The following MIDN variants were observed in gnomAD, a reference collection of about 807,000 sequenced individuals.
MIDN encodes midnolin.
Under a neutral mutation model 46.1 loss-of-function variants are expected in MIDN, and 26 were observed. The ratio of observed to expected loss-of-function variants is 0.56; its 90% CI spans 0.41 to 0.78. MIDN has a LOEUF of 0.78. MIDN is among the 30% of genes least tolerant of loss of function. The pLI, the probability that MIDN is intolerant of heterozygous loss-of-function variation, is 0.00. For missense variants in MIDN, 850 were observed against 771.8 expected, an observed-to-expected ratio of 1.10 and a Z score of -1.20; for synonymous variants, 432 against 343.3, an observed-to-expected ratio of 1.26 and a Z score of -2.86.
In MIDN at chr19:1,258,466, C is replaced by A. The variant is rs1440152107; in HGVS notation, c.*1194C>A. The A allele has an allele frequency of 6.6e-6, 1 of 152,528 alleles. No individual in the cohort carries two copies. The highest frequency in any genetic ancestry group is 1.5e-5 in the Non-Finnish European group (1 of 68,050). The allele number at this position is 152,528 out of a possible 1,614,324, so 9.4% of individuals were successfully genotyped here. On this transcript the variant is annotated 3_prime_UTR_variant, in exon 9 of 9. Coordinates refer to ENST00000682408, the MANE Select transcript of MIDN (RefSeq NM_001388306.1). ...GTCTCCAGAGGGGAGGGACAAATCC[C>A]CTACTGGGGCCATTTCAATGGGGTA...
chr19:1,253,794 AG>A, intron 4 of MIDN, 159 bp from the exon 5 acceptor site: 1 of 404,676 alleles, frequency 2.5e-6, no homozygotes, highest in East Asian at 9.9e-5. Flanking sequence ...GAGAGGATCT[AG>A]GGGCCCATGA....
At chr19:1,250,624 C>T (rs2081114069) in intron 2 of MIDN, 95 bp downstream of exon 2, 4 of 609,016 alleles carry the variant, frequency 6.6e-6, no homozygotes, top group Non-Finnish European at 6.5e-6. Context: ...AGGGGGCGGC[C>T]AGACAGGGGG....
At chr19:1,251,818 C>T in intron 3 of MIDN, 21 bp from the exon 4 acceptor site, 8 of 1,610,418 alleles carry the variant, frequency 5.0e-6, no homozygotes, top group East Asian at 2.2e-5. Flanking sequence ...ACTCAGGCCC[C>T]TCTCCTCCCT....
rs762233338 is a variant in MIDN, at chr19:1,257,301, C to CG, written c.*30dup. ...CTTCGGATCGGCCACCCTCGCCCCT[C>CG]GCACCCCAGCCCAGGGCGGCGGGGA... On this transcript the variant is annotated 3_prime_UTR_variant, in exon 9 of 9. Coordinates refer to ENST00000682408, the MANE Select transcript of MIDN (RefSeq NM_001388306.1). The CG allele has an allele frequency of 1.9e-6, 3 of 1,598,840 alleles. No homozygotes were observed. The African/African-American group carries it at 4.0e-5, about 21-fold the overall frequency.
chr19:1,254,831 C>T lies in MIDN; in HGVS notation c.826-71C>T, dbSNP rs533746582. 16 of 1,511,908 alleles carry T rather than the reference C, an allele frequency of 1.1e-5. No individual in the cohort carries two copies. In the African/African-American group the frequency reaches 1.2e-4, roughly 12 times the overall value. The allele number at this position is 1,511,908 out of a possible 1,614,324, so 93.7% of individuals were successfully genotyped here. A position where few individuals can be genotyped will look rare whatever the true frequency, so the allele number is the denominator to read the frequency against. ...CTCCTGACCTGGGCTGGTGGGTGAT[C>T]TCTGGTCCCTGGGTTGCTGGTGATC... On this transcript the variant is annotated intron_variant, in intron 6 of 8. Transcript: ENST00000682408.
chr19:1,253,261 G>A (rs2145490840), intron 4 of MIDN, among the ~76,000 whole-genome samples: 1 of 151,878 alleles, frequency 6.6e-6, no homozygotes, highest in East Asian at 1.9e-4. Flanking sequence ...CGCAGGGTGG[G>A]GGCTTCACCC....
Position 1,251,816 on chromosome 19 carries a change from C to T in MIDN, c.322-23C>T, listed in dbSNP as rs199793568. 232 of 1,609,582 alleles carry T rather than the reference C, an allele frequency of 1.4e-4. 3 individuals carry two copies. In the East Asian group the frequency reaches 3.1e-3, roughly 21 times the overall value. On this transcript the variant is annotated intron_variant, in intron 3 of 8. Coordinates refer to ENST00000682408, the MANE Select transcript of MIDN (RefSeq NM_001388306.1). ...CAGGATTCCGACCCCACACTCAGGC[C>T]CCTCTCCTCCCTCTCTTTGTAGTCT...
Position 1,258,115 on chromosome 19 carries a change from A to G in MIDN, c.*843A>G, listed in dbSNP as rs2145502425. The G allele has an allele frequency of 6.6e-6, 1 of 152,142 alleles. No homozygotes were observed. Among genetic ancestry groups the G allele is most frequent in the East Asian group, 1.9e-4 (1 of 5,140 alleles). The allele number at this position is 152,142 out of a possible 1,614,324, so 9.4% of individuals were successfully genotyped here. ...TCCGCCCCCACTCCCGTGTTTTCTGACCTCCTGCCTGAGTTTGGGGTATTT... is the reference window on the plus strand; with the variant it reads ...TCCGCCCCCACTCCCGTGTTTTCTGGCCTCCTGCCTGAGTTTGGGGTATTT... On this transcript the variant is annotated 3_prime_UTR_variant, in exon 9 of 9. Coordinates refer to ENST00000682408, the MANE Select transcript of MIDN (RefSeq NM_001388306.1).
At position 1,257,721 on chromosome 19, in the gene MIDN, C is replaced by G; in HGVS notation, c.*449C>G. The G allele has an allele frequency of 5.7e-6, 1 of 174,348 alleles. No homozygotes were observed. The highest frequency in any genetic ancestry group is 1.2e-5 in the Non-Finnish European group (1 of 81,908). The allele number at this position is 174,348 out of a possible 1,614,324, so 10.8% of individuals were successfully genotyped here. ...TTTTAAGTCAAAAATGTCGATATGT[C>G]ATTATGCACTTTACAGATGAGGGGA... On this transcript the variant is annotated 3_prime_UTR_variant, in exon 9 of 9. Transcript: ENST00000682408.
intron 6 of MIDN, 68 bp downstream of exon 6, chr19:1,254,546 T>C: frequency 6.7e-7 from 1 of 1,487,304 alleles, no homozygotes. Flanking sequence ...TGGGGAGGTC[T>C]TGGGGAGGAC....
In MIDN at chr19:1,254,387, C is replaced by A; in HGVS notation, c.734C>A (p.Pro245His). The change falls in exon 6 of 9, where the codon CCC becomes CAC. Residue 245 changes from proline (P) to histidine (H), a missense_variant. Coordinates refer to ENST00000682408, the MANE Select transcript of MIDN (RefSeq NM_001388306.1). ...CCGGTGTCCAGTGCCGCCCGAGTCCCCCCGGTGCCCACCAGCCCGTCCCCT... is the reference window on the plus strand; with the variant it reads ...CCGGTGTCCAGTGCCGCCCGAGTCCACCCGGTGCCCACCAGCCCGTCCCCT... The part of the protein sequence containing the change: ...CRPVSSAARV[P>H]PVPTSPSPAS... The A allele has an allele frequency of 6.4e-7, 1 of 1,561,968 alleles. No individual in the cohort carries two copies. Among genetic ancestry groups the A allele is most frequent in the East Asian group, 2.4e-5 (1 of 42,552 alleles).
At chr19:1,252,758 C>T (rs1366079216) in intron 4 of MIDN, among the ~76,000 whole-genome samples, 1 of 152,136 alleles carries the variant, frequency 6.6e-6, no homozygotes, top group Non-Finnish European at 1.5e-5. Context: ...CTTCCGCTTT[C>T]CCAGCGGCAT....
At chr19:1,249,796 G>A (rs1430706410) in intron 1 of MIDN, 94 bp from the exon 2 acceptor site, 2 of 151,064 alleles carry the variant, frequency 1.3e-5, no homozygotes, top group Non-Finnish European at 3.0e-5. Context: ...GCGCCCGGCC[G>A]GCGGAGTAAG....
At position 1,257,561 on chromosome 19, in the gene MIDN, G is replaced by C. The variant is rs974897578; in HGVS notation, c.*289G>C. The C allele has an allele frequency of 8.2e-6, 3 of 366,848 alleles. No homozygotes were observed. The highest frequency in any genetic ancestry group is 4.6e-5 in the Admixed American group (1 of 21,836). The allele number at this position is 366,848 out of a possible 1,614,324, so 22.7% of individuals were successfully genotyped here. A position where few individuals can be genotyped will look rare whatever the true frequency, so the allele number is the denominator to read the frequency against. On this transcript the variant is annotated 3_prime_UTR_variant, in exon 9 of 9. Transcript: ENST00000682408. ...TCCGTCTGTCTCCTTTCACCTCTGC[G>C]CCAGGTCGGTCCTCCCTGCCAACCT... is the stretch of plus-strand genomic sequence containing the variant.
At chr19:1,251,749 C>T (rs1238491848) in intron 3 of MIDN, 90 bp from the exon 4 acceptor site, 3 of 1,528,872 alleles carry the variant, frequency 2.0e-6, no homozygotes, top group African/African-American at 2.8e-5. Flanking sequence ...GGGGCCCCCA[C>T]CCCGCCAGCC....
intron 1 of MIDN, among the ~76,000 whole-genome samples, 165 bp from the exon 2 acceptor site, chr19:1,249,725 G>A (rs2081099308): frequency 6.7e-6 from 1 of 149,608 alleles, no homozygotes; most frequent in Non-Finnish European, 1.5e-5. Context: ...GCGGTGCCGC[G>A]GCGGCTCTCA....
chr19:1,251,076 G>A (rs1274958682), intron 2 of MIDN, among the ~76,000 whole-genome samples: 3 of 152,054 alleles, frequency 2.0e-5, no homozygotes, highest in Admixed American at 6.5e-5. Flanking sequence ...GGAGGGGGAG[G>A]GTCTCCTTTG....
In MIDN at chr19:1,250,525, G is replaced by C; in HGVS notation, c.229G>C (p.Asp77His). Residue 77 changes from aspartate (D) to histidine (H), a missense_variant, in exon 2 of 9, where the codon GAC becomes CAC. Asp to His is a moderately conservative substitution (Grantham distance 81, BLOSUM62 -1). Coordinates refer to ENST00000682408, the MANE Select transcript of MIDN (RefSeq NM_001388306.1). ...GGAGCGCCTGGCTCTTCTCCACAAA[G>C]ACACGTAGGTACCGCGCGCCCCCGG... ...PKERLALLHK[D>H]TRLSSGKLQE... 2 of 1,288,208 alleles carry C rather than the reference G, an allele frequency of 1.6e-6. No individual in the cohort carries two copies. Among genetic ancestry groups the C allele is most frequent in the Non-Finnish European group, 2.0e-6 (2 of 991,034 alleles). The allele number at this position is 1,288,208 out of a possible 1,614,324, so 79.8% of individuals were successfully genotyped here.
In MIDN at chr19:1,250,018, GCGTCC is replaced by G. The variant is rs1299894201; in HGVS notation, c.-276_-272del. The G allele has an allele frequency of 6.6e-6, 1 of 151,466 alleles. No homozygotes were observed. Among genetic ancestry groups the G allele is most frequent in the African/African-American group, 2.4e-5 (1 of 41,272 alleles). 9.4% of individuals were successfully genotyped at this position (151,466 alleles called of 1,614,324 possible). On this transcript the variant is annotated 5_prime_UTR_variant, in exon 2 of 9. Coordinates refer to ENST00000682408, the MANE Select transcript of MIDN (RefSeq NM_001388306.1). ...CCTCCCCAGGACCCTTAACCGCGCC[GCGTCC>G]CGGTCGCGCCCGCCGCCCTTTGAAG...
Sources: gnomAD v4.1 joint callset for allele counts (sites outside exome capture counted in the v4.1 genomes callset) on GRCh38, gnomAD v4.1.1 for gene constraint, MANE v1.5 for transcripts, NCBI Gene and HGNC (gene_info 2026-07-23, HGNC 2026-07-21) for gene names.